The following TTN variants were observed in gnomAD, a reference collection of about 807,000 sequenced individuals.
TTN encodes titin.
A neutral mutation model predicts 3,223.0 loss-of-function variants in TTN; 1,525 were observed. The observed-to-expected ratio is 0.47, with a 90% CI of 0.45 to 0.49. The LOEUF is 0.49. TTN is among the 20% of genes least tolerant of loss of function. The probability of loss-of-function intolerance (pLI) is 0.00; values close to 1 mark genes in which losing one functional copy is unlikely to be tolerated. For synonymous variants in TTN, 14,094 were observed against 15,161.0 expected (o/e 0.93, Z 5.17); for missense variants, 40,786 against 43,424.0 (o/e 0.94, Z 5.40).
intron 223 of TTN, among the ~76,000 whole-genome samples, chr2:178,638,696 A>G (rs2060827169): frequency 6.6e-6 from 1 of 151,894 alleles, no homozygotes; most frequent in South Asian, 2.1e-4. Flanking sequence ...TTATCAATAC[A>G]TGCCTTCTCC....
At position 178,663,897 on chromosome 2, in the gene TTN, C is replaced by T; in HGVS notation, c.36370G>A (p.Glu12124Lys). Residue 12124 changes from glutamate to lysine, a missense_variant, in exon 170 of 363, where the codon GAA becomes AAA. By Grantham distance (56) the Glu-to-Lys change is moderately conservative. Coordinates refer to ENST00000589042, the MANE Select transcript of TTN (RefSeq NM_001267550.2). ...KPEVPPVKVP[E>K]ASKEVIREEK... ...TCGCGGATAACCTCTTTGGAAGCTT[C>T]TGGCACTTGAAAGATATTAGTGAAA... The T allele has an allele frequency of 1.9e-6, 3 of 1,613,396 alleles. No individual in the cohort carries two copies. Among genetic ancestry groups the T allele is most frequent in the East Asian group, 2.2e-5 (1 of 44,866 alleles).
chr2:178,620,694 A>G lies in TTN; in HGVS notation c.45895+21T>C, dbSNP rs45607433. 1,856 of 1,609,006 alleles carry G rather than the reference A, an allele frequency of 1.2e-3. 3 individuals are homozygous for G. The highest frequency in any genetic ancestry group is 1.5e-3 in the Non-Finnish European group (1,759 of 1,178,184). ...AACAGAAACTGATGAAAAAATCTCT[A>G]GTGGTATATAAATTACTTACCTTCT... On this transcript the variant is annotated intron_variant, in intron 247 of 362. Transcript: ENST00000589042.
Position 178,674,349 on chromosome 2 carries a change from C to T in TTN, c.34673G>A (p.Ser11558Asn), listed in dbSNP as rs746258041. Residue 11558 changes from serine (S) to asparagine (N), a missense_variant, in exon 151 of 363, where the codon AGC becomes AAC. By Grantham distance (46) the Ser-to-Asn change is conservative (BLOSUM62 1). Transcript: ENST00000589042. ...SEEEIPEEPP[S>N]IEEVEEVAPP... ...TGCCACCTCTTCAACTTCCTCTATG[C>T]TAGGTGGTTCTTCTGGGATTTCTTC... 1 of 1,598,526 alleles carries T rather than the reference C, an allele frequency of 6.3e-7. No individual in the cohort carries two copies. Among genetic ancestry groups the T allele is most frequent in the Admixed American group, 1.7e-5 (1 of 58,858 alleles).
At chr2:178,735,382 A>C in intron 50 of TTN, 129 bp downstream of exon 50, 1 of 968,000 alleles carries the variant, frequency 1.0e-6, no homozygotes, top group Non-Finnish European at 1.4e-6. Flanking sequence ...GACTTTCCCA[A>C]ACCATAATGT....
rs1168354754 is a variant in TTN at position 178,775,698 on chromosome 2, C to T, written c.6166G>A (p.Glu2056Lys). The change falls in exon 28 of 363, where the codon GAA becomes AAA. Residue 2056 changes from glutamate to lysine, a missense_variant. By Grantham distance (56) the Glu-to-Lys change is moderately conservative. Transcript: ENST00000589042. ...AAAGTTGGAATCGTGATTTTGCCTT[C>T]TTCGGCAAGAGCTTTCTTTTCCTCT... ...TEEEKKALAE[E>K]GKITIPTFKP... 6.2e-7 allele frequency: 1 copy of T among 1,614,116 alleles called. No individual in the cohort carries two copies. Among genetic ancestry groups the T allele is most frequent in the Non-Finnish European group, 8.5e-7 (1 of 1,180,000 alleles).
rs910964285 is a variant in TTN at position 178,592,566 on chromosome 2, C to T, written c.59439G>A (p.Val19813=). ...TTTTCCAAGTTACTTTTGGGAATGG[C>T]ACTCCTTTGATGATGGCACTAAGTC... ...TLRLSAIIKG[V]PFPKVTWKKE... is the part of the protein sequence containing the mutation. Residue 19813 remains valine, a synonymous_variant, in exon 301 of 363, where the codon GTG becomes GTA. Transcript: ENST00000589042. The T allele has an allele frequency of 9.3e-6, 15 of 1,613,340 alleles. No homozygotes were observed. The highest frequency in any genetic ancestry group is 3.3e-4 in the Middle Eastern group (2 of 6,078).
rs1225502808 is a variant in TTN, at chr2:178,542,489, G to C, written c.97267C>G (p.Pro32423Ala). Residue 32423 changes from proline (P) to alanine (A), a missense_variant, in exon 349 of 363, where the codon CCA becomes GCA. Coordinates refer to ENST00000589042, the MANE Select transcript of TTN (RefSeq NM_001267550.2). ...DATSITISWEPPELDGGAPLS... is the reference protein window; with the variant it reads ...DATSITISWEAPELDGGAPLS... ...GGAGCACCACCGTCCAATTCAGGTG[G>C]TTCCCAGGAAATGGTAATTGATGTA... is the stretch of plus-strand genomic sequence containing the variant. The C allele has an allele frequency of 6.2e-7, 1 of 1,612,850 alleles. No homozygotes were observed. Among genetic ancestry groups the C allele is most frequent in the Non-Finnish European group, 8.5e-7 (1 of 1,179,108 alleles).
chr2:178,672,643 G>C lies in TTN; in HGVS notation c.34847C>G (p.Pro11616Arg), dbSNP rs2067215182. The change falls in exon 153 of 363, where the codon CCA becomes CGA. Residue 11616 changes from proline (P) to arginine (R), a missense_variant. By Grantham distance (103) the Pro-to-Arg change is moderately radical. Coordinates refer to ENST00000589042, the MANE Select transcript of TTN (RefSeq NM_001267550.2). ...TAAAAGAGAAGATGTACCTTTGGCT[G>C]GGGGTGCCTCTTTTTTCTGAACAGG... ...PVPVQKKEAP[P>R]AKVPEVPKKV... The C allele has an allele frequency of 6.2e-7, 1 of 1,610,912 alleles. No homozygotes were observed. Among genetic ancestry groups the C allele is most frequent in the Non-Finnish European group, 8.5e-7 (1 of 1,178,190 alleles).
At chr2:178,670,341 T>C (rs191019610) in intron 156 of TTN, 46 bp from the exon 157 acceptor site, 2 of 1,169,738 alleles carry the variant, frequency 1.7e-6, no homozygotes, top group Non-Finnish European at 2.3e-6. Flanking sequence ...AAATATACAA[T>C]TTTTTAACAA....
intron 50 of TTN, 89 bp from the exon 51 acceptor site, chr2:178,735,077 C>A (rs2081218642): frequency 7.3e-7 from 1 of 1,361,300 alleles, no homozygotes; most frequent in African/African-American, 1.5e-5. Context: ...ACAAAGAGAC[C>A]CAACACACAT....
chr2:178,707,628 G>T lies in TTN; in HGVS notation c.28939C>A (p.Leu9647Met), dbSNP rs879099128. 6.2e-7 allele frequency: 1 copy of T among 1,613,848 alleles called. No homozygotes were observed. The highest frequency in any genetic ancestry group is 8.5e-7 in the Non-Finnish European group (1 of 1,179,840). ...SFSFASGTAV[L>M]ELRDVAKADS... ...GCTTTAGCCACATCTCTGAGTTCCA[G>T]TACAGCTGTCCCACTAGCAAAGCTG... Residue 9647 changes from leucine (L) to methionine (M), a missense_variant, in exon 100 of 363, where the codon CTG (leucine) becomes ATG (methionine). Coordinates refer to ENST00000589042, the MANE Select transcript of TTN (RefSeq NM_001267550.2).
At position 178,741,904 on chromosome 2, in the gene TTN, G is replaced by T; in HGVS notation, c.11329C>A (p.Leu3777Met). ...MEMKEFSSSF[L>M]SAEEEGLHSA... is the part of the protein sequence containing the mutation. ...TGAAGTCCTTCTTCCTCGGCAGACA[G>T]AAAAGAACTAGAAAACTCTGTATGG... Residue 3777 changes from leucine (L) to methionine (M), a missense_variant, in exon 48 of 363, where the codon CTG (leucine) becomes ATG (methionine). Transcript: ENST00000589042. The T allele has an allele frequency of 1.3e-6, 2 of 1,548,148 alleles. No individual in the cohort carries two copies. Among genetic ancestry groups the T allele is most frequent in the Non-Finnish European group, 1.7e-6 (2 of 1,146,132 alleles).
chr2:178,769,923 T>C lies in TTN; in HGVS notation c.8658A>G (p.Lys2886=), dbSNP rs1386072429. Residue 2886 remains lysine, a synonymous_variant, in exon 37 of 363, where the codon AAA becomes AAG. Transcript: ENST00000589042. Reference sequence around the variant, plus strand: ...CAGGCACCTCGATATTTTTCATGGTTTTTGTAATATGTAATGCTTGGTAAA... The same window carrying C: ...CAGGCACCTCGATATTTTTCATGGTCTTTGTAATATGTAATGCTTGGTAAA... ...KLFVETLHIT[K]TMKNIEVPET... 6.2e-7 allele frequency: 1 copy of C among 1,614,108 alleles called. No homozygotes were observed. The highest frequency in any genetic ancestry group is 1.1e-5 in the South Asian group (1 of 91,080).
intron 170 of TTN, 36 bp from the exon 171 acceptor site, chr2:178,663,746 A>T (rs1486217031): frequency 6.2e-7 from 1 of 1,612,488 alleles, no homozygotes; most frequent in East Asian, 2.2e-5. Context: ...TTCAGAAGTT[A>T]TGAAGACCAC....
rs190600127 is a variant in TTN at position 178,711,143 on chromosome 2, G to C, written c.28093C>G (p.Arg9365Gly). The change falls in exon 97 of 363, where the codon CGG becomes GGG. Residue 9365 changes from arginine (R) to glycine (G), a missense_variant. Physicochemically the swap from Arg to Gly is moderately radical, Grantham distance 125. Transcript: ENST00000589042. ...CAGGAATACTGGCCTGCAAGGCTCC[G>C]GTCAGTTTTAAAAATATTGAGTGTG... is the stretch of plus-strand genomic sequence containing the variant. Reference protein sequence around the residue: ...TATLNIFKTDRSLAGQYSCTA... With the variant: ...TATLNIFKTDGSLAGQYSCTA... 2 of 1,613,820 alleles carry C rather than the reference G, an allele frequency of 1.2e-6. No homozygotes were observed. Among genetic ancestry groups the C allele is most frequent in the Non-Finnish European group, 1.7e-6 (2 of 1,179,786 alleles).
At position 178,756,443 on chromosome 2, in the gene TTN, T is replaced by C; in HGVS notation, c.11033A>G (p.Gln3678Arg). Residue 3678 changes from glutamine (Q) to arginine (R), a missense_variant, in exon 46 of 363, where the codon CAA becomes CGA. Gln to Arg is a conservative substitution (Grantham distance 43). Transcript: ENST00000589042. ...ATCATCTTTTAAAACACAGAGGAAT[T>C]GAGCCGTGTCACCGCACTTTACAGT... Reference protein sequence around the residue: ...DVTVKCGDTAQFLCVLKDDSF... With the variant: ...DVTVKCGDTARFLCVLKDDSF... The C allele has an allele frequency of 6.2e-7, 1 of 1,613,804 alleles. No homozygotes were observed. The highest frequency in any genetic ancestry group is 1.1e-5 in the South Asian group (1 of 91,080).
chr2:178,672,406 C>T lies in TTN; in HGVS notation c.34930+1G>A. 6.2e-7 allele frequency: 1 copy of T among 1,601,784 alleles called. No homozygotes were observed. Reference sequence around the variant, plus strand: ...AAAATCCAGGATCTTTCCAAAAATACCTTTAGCTGGGGGAACAGCTTCCTT... The same window carrying T: ...AAAATCCAGGATCTTTCCAAAAATATCTTTAGCTGGGGGAACAGCTTCCTT... On this transcript the variant is annotated splice_donor_variant, in intron 154 of 362. Coordinates refer to ENST00000589042, the MANE Select transcript of TTN (RefSeq NM_001267550.2). LOFTEE classifies it high-confidence loss of function.
intron 129 of TTN, 80 bp from the exon 130 acceptor site, chr2:178,685,069 T>A (rs2070487527): frequency 1.6e-6 from 2 of 1,267,814 alleles, no homozygotes; most frequent in East Asian, 5.0e-5. Flanking sequence ...CATTCACTTT[T>A]TGAAAAGATT....
Position 178,562,347 on chromosome 2 carries a change from C to T in TTN, c.83785G>A (p.Gly27929Arg), listed in dbSNP as rs786205297. The T allele has an allele frequency of 1.4e-5, 23 of 1,611,104 alleles. No homozygotes were observed. Among genetic ancestry groups the T allele is most frequent in the East Asian group, 2.2e-5 (1 of 44,820 alleles). Residue 27929 changes from glycine (G) to arginine (R), a missense_variant, in exon 326 of 363, where the codon GGA becomes AGA. Transcript: ENST00000589042. ...LEATISGLTA[G>R]EEYVFRVAAV... ...GCTACCCTGAAGACATACTCTTCTC[C>T]TGCAGTTAAGCCAGATATAGTTGCT...
Sources: gnomAD v4.1 joint callset for allele counts (sites outside exome capture counted in the v4.1 genomes callset) on GRCh38, gnomAD v4.1.1 for gene constraint, MANE v1.5 for transcripts, NCBI Gene and HGNC (gene_info 2026-07-23, HGNC 2026-07-21) for gene names.